PCDHGA10: variants seen among roughly 807,000 people sequenced by gnomAD.
PCDHGA10 encodes the protein protocadherin gamma-A10.
PCDHGA10 carries 42 observed loss-of-function variants against 59.5 expected under a neutral mutation model. That is an observed-to-expected ratio of 0.71 (90% CI 0.55 to 0.91). PCDHGA10 has a LOEUF of 0.91. Ranked by LOEUF, PCDHGA10 falls within the 40% of genes least tolerant of loss-of-function variation. The probability of loss-of-function intolerance (pLI) is 0.00; values close to 1 mark genes in which losing one functional copy is unlikely to be tolerated. For missense variants in PCDHGA10, 1,111 were observed against 1,198.2 expected (o/e 0.93, Z 1.07); for synonymous variants, 511 against 517.2 (o/e 0.99, Z 0.16).
Position 141,414,313 on chromosome 5 carries a change from T to C in PCDHGA10, c.1138T>C (p.Ser380Pro). ...CCTTTTAAATGTGCATGATTTAGAC[T>C]CTGAGCAGAATGGACAGGTAACCTG... is the stretch of plus-strand genomic sequence containing the variant. ...VALLNVHDLD[S>P]EQNGQVTCSI... The change falls in exon 1 of 4, where the codon TCT (serine) becomes CCT (proline). Residue 380 changes from serine (S) to proline (P), a missense_variant. Physicochemically the swap from Ser to Pro is moderately conservative, Grantham distance 74. Transcript: ENST00000398610. 1 of 1,613,748 alleles carries C rather than the reference T, an allele frequency of 6.2e-7. No homozygotes were observed. Among genetic ancestry groups the C allele is most frequent in the Non-Finnish European group, 8.5e-7 (1 of 1,179,798 alleles).
rs1214425261 is a variant in PCDHGA10 at position 141,485,865 on chromosome 5, C to G, written c.2437-8942C>G. On this transcript the variant is annotated intron_variant, in intron 1 of 3. Coordinates refer to ENST00000398610, the MANE Select transcript of PCDHGA10 (RefSeq NM_018913.3). This position sits in a 1 kb window ranked among gnomAD's most constrained non-coding sequence, Gnocchi z 5.7. The stretch of plus-strand genomic sequence containing the variant: ...TCTGGCACCGCAGAGCTCCGGGTAT[C>G]CGTGCTGGACGTAAACGACAACGCC... The G allele has an allele frequency of 1.2e-6, 2 of 1,614,182 alleles. No individual in the cohort carries two copies.
intron 1 of PCDHGA10, chr5:141,422,413 GAA>G (rs753790858): frequency 6.2e-7 from 1 of 1,604,644 alleles, no homozygotes; most frequent in South Asian, 1.1e-5. Flanking sequence ...TTTTAAATTA[GAA>G]AAGACTTATG....
chr5:141,461,988 T>A (rs771762127), intron 1 of PCDHGA10, among the ~76,000 whole-genome samples: 1 of 152,170 alleles, frequency 6.6e-6, no homozygotes, highest in Non-Finnish European at 1.5e-5. Flanking sequence ...CACGCCAGGC[T>A]AATTTTGTAT....
chr5:141,487,864 C>A lies in PCDHGA10; in HGVS notation c.2437-6943C>A. On this transcript the variant is annotated intron_variant, in intron 1 of 3. Coordinates refer to ENST00000398610, the MANE Select transcript of PCDHGA10 (RefSeq NM_018913.3). The surrounding 1 kb of genome is among the most constrained non-coding windows in gnomAD (Gnocchi z 5.0). ...GTAAGAAATGAAAGTAATTGGTGAT[C>A]AAGAGCCAGGCTGTTGTGGAAGCAT... 1 of 899,610 alleles carries A rather than the reference C, an allele frequency of 1.1e-6. No individual in the cohort carries two copies. Among genetic ancestry groups the A allele is most frequent in the Non-Finnish European group, 1.7e-6 (1 of 599,584 alleles). The allele number at this position is 899,610 out of a possible 1,614,324, so 55.7% of individuals were successfully genotyped here.
chr5:141,453,701 AAC>A (rs1250174252), intron 1 of PCDHGA10, among the ~76,000 whole-genome samples: 1 of 152,240 alleles, frequency 6.6e-6, no homozygotes, highest in Non-Finnish European at 1.5e-5. Context: ...CCTGGCTTTG[AAC>A]AGTTTCACTA....
chr5:141,465,019 G>T (rs533151051), intron 1 of PCDHGA10, among the ~76,000 whole-genome samples: 1 of 151,978 alleles, frequency 6.6e-6, no homozygotes, highest in Non-Finnish European at 1.5e-5. Context: ...TAAGATTACA[G>T]CCATGAACCA....
intron 3 of PCDHGA10, among the ~76,000 whole-genome samples, chr5:141,505,926 G>A (rs114056147): frequency 0.012 from 1,893 of 152,254 alleles, 12 homozygotes; most frequent in Middle Eastern, 0.034. Context: ...TGGGCCTGGC[G>A]CTTGGAAGCC....
Position 141,486,886 on chromosome 5 carries a change from G to A in PCDHGA10, c.2437-7921G>A. The A allele has an allele frequency of 1.9e-6, 3 of 1,614,222 alleles. No individual in the cohort carries two copies. The highest frequency in any genetic ancestry group is 2.5e-6 in the Non-Finnish European group (3 of 1,180,044). ...CAGCTGTGCTCCGTCCTCGGGCCCGGCCTGGTTCCTTATGTCCCCAAGCAC... is the reference window on the plus strand; with the variant it reads ...CAGCTGTGCTCCGTCCTCGGGCCCGACCTGGTTCCTTATGTCCCCAAGCAC... On this transcript the variant is annotated intron_variant, in intron 1 of 3. Coordinates refer to ENST00000398610, the MANE Select transcript of PCDHGA10 (RefSeq NM_018913.3). This position sits in a 1 kb window ranked among gnomAD's most constrained non-coding sequence, Gnocchi z 5.0.
chr5:141,422,938 G>A (rs1226350240), intron 1 of PCDHGA10: 2 of 1,614,116 alleles, frequency 1.2e-6, no homozygotes, highest in Non-Finnish European at 1.7e-6. Flanking sequence ...CCTCCCCACA[G>A]ACGGCTCCAC....
Position 141,433,012 on chromosome 5 carries a change from G to C in PCDHGA10, c.2436+17401G>C. 1 of 1,614,172 alleles carries C rather than the reference G, an allele frequency of 6.2e-7. No homozygotes were observed. Among genetic ancestry groups the C allele is most frequent in the South Asian group, 1.1e-5 (1 of 91,080 alleles). The stretch of plus-strand genomic sequence containing the variant: ...TGGACGGGGTGCAGGCTTTCCTGCA[G>C]ACCTATTCCCACGAGGTTTCCCTCA... On this transcript the variant is annotated intron_variant, in intron 1 of 3. Coordinates refer to ENST00000398610, the MANE Select transcript of PCDHGA10 (RefSeq NM_018913.3).
At chr5:141,434,695 AAT>A (rs1228504579) in intron 1 of PCDHGA10, among the ~76,000 whole-genome samples, 7 of 152,212 alleles carry the variant, frequency 4.6e-5, no homozygotes, top group Non-Finnish European at 8.8e-5. Flanking sequence ...GCTGTTAATA[AAT>A]ATGTGGGTAA....
At position 141,487,653 on chromosome 5, in the gene PCDHGA10, A is replaced by C. The variant is rs1033173132; in HGVS notation, c.2437-7154A>C. The C allele has an allele frequency of 3.1e-6, 5 of 1,613,794 alleles. No individual in the cohort carries two copies. Among genetic ancestry groups the C allele is most frequent in the Non-Finnish European group, 4.2e-6 (5 of 1,179,926 alleles). ...CAGGCTCAACAAATGCTTGAGGGTT[A>C]TTCTGATCCAGGCATATGGCTAGGC... On this transcript the variant is annotated intron_variant, in intron 1 of 3. Transcript: ENST00000398610. This position sits in a 1 kb window ranked among gnomAD's most constrained non-coding sequence, Gnocchi z 5.0.
chr5:141,491,598 C>T lies in PCDHGA10; in HGVS notation c.2437-3209C>T, dbSNP rs1410472886. On this transcript the variant is annotated intron_variant, in intron 1 of 3. Transcript: ENST00000398610. This position sits in a 1 kb window ranked among gnomAD's most constrained non-coding sequence, Gnocchi z 6.9. ...TTTCACCGGCCTCGGACGGCAGTGA[C>T]TTCACTTTTCTAAGACCCCTCAGCG... 1.4e-5 allele frequency: 22 copies of T among 1,613,872 alleles called. No homozygotes were observed. The highest frequency in any genetic ancestry group is 1.8e-5 in the Non-Finnish European group (21 of 1,180,048).
chr5:141,486,816 C>G lies in PCDHGA10; in HGVS notation c.2437-7991C>G. The G allele has an allele frequency of 6.2e-7, 1 of 1,614,252 alleles. No individual in the cohort carries two copies. Among genetic ancestry groups the G allele is most frequent in the East Asian group, 2.2e-5 (1 of 44,884 alleles). ...CGGGGCAACCCACCCCTTAGCAGCACTGTAACAGTTCGTCTATTTGTGCTG... is the reference window on the plus strand; with the variant it reads ...CGGGGCAACCCACCCCTTAGCAGCAGTGTAACAGTTCGTCTATTTGTGCTG... On this transcript the variant is annotated intron_variant, in intron 1 of 3. Coordinates refer to ENST00000398610, the MANE Select transcript of PCDHGA10 (RefSeq NM_018913.3). The surrounding 1 kb of genome is among the most constrained non-coding windows in gnomAD (Gnocchi z 5.0).
chr5:141,508,731 A>C (rs1596169554), intron 3 of PCDHGA10, among the ~76,000 whole-genome samples: 6 of 145,538 alleles, frequency 4.1e-5, no homozygotes, highest in African/African-American at 5.1e-5. Context: ...GGGAGACTAC[A>C]CCCCCCACCC....
At chr5:141,430,767 C>T in intron 1 of PCDHGA10, 1 of 1,506,782 alleles carries the variant, frequency 6.6e-7, no homozygotes, top group Non-Finnish European at 8.9e-7. Flanking sequence ...AGAATGATTC[C>T]TGCGCGACTG....
At chr5:141,419,652 CG>C (rs767047378) in intron 1 of PCDHGA10, 3 of 1,612,590 alleles carry the variant, frequency 1.9e-6, no homozygotes, top group Non-Finnish European at 1.7e-6. Context: ...GACGCGGACT[CG>C]GGGCACAATG....
intron 1 of PCDHGA10, chr5:141,418,230 A>T (rs745395585): frequency 6.2e-7 from 1 of 1,614,058 alleles, no homozygotes; most frequent in Non-Finnish European, 8.5e-7. Context: ...GTGGTGATTG[A>T]GGATGTTAAT....
intron 1 of PCDHGA10, among the ~76,000 whole-genome samples, chr5:141,438,579 CATACATACATACATATATATAT>C (rs1356926315): frequency 3.6e-5 from 2 of 55,782 alleles, no homozygotes; most frequent in Non-Finnish European, 6.0e-5. Context: ...GATATACATA[CATACATACATACATATATATAT>C]ATATATATAT....
Sources: allele counts gnomAD v4.1 joint callset (sites outside exome capture counted in the v4.1 genomes callset), GRCh38; gene constraint gnomAD v4.1.1; non-coding constraint Gnocchi (gnomAD v3.1); transcripts MANE v1.5; gene names NCBI Gene and HGNC (gene_info 2026-07-23, HGNC 2026-07-21).